Variants in EGF observed in about 807,000 individuals in gnomAD.
The protein encoded by EGF is pro-epidermal growth factor.
EGF carries 95 observed loss-of-function variants against 143.8 expected under a neutral mutation model. The observed-to-expected ratio is 0.66, with a 90% CI of 0.56 to 0.78. The LOEUF (loss-of-function observed/expected upper bound fraction) is 0.78, where lower values mean the gene tolerates loss of function less well. EGF is among the 30% of genes least tolerant of loss of function. EGF has a pLI of 0.00. For missense variants in EGF, 1,320 were observed against 1,470.9 expected (o/e 0.90, Z 1.68); for synonymous variants, 510 against 510.5 (o/e 1.00, Z 0.01).
chr4:109,969,132 C>T lies in EGF; in HGVS notation c.1724+13C>T, dbSNP rs371694431. On this transcript the variant is annotated intron_variant, in intron 11 of 23. Coordinates refer to ENST00000265171, the MANE Select transcript of EGF (RefSeq NM_001963.6). ...GGACAGACAGAGGGTATGTTTTCTG[C>T]TTCAGTTTTAAGCTGTGTGAGATGG... The T allele has an allele frequency of 5.6e-6, 9 of 1,613,932 alleles. No individual in the cohort carries two copies. In the Admixed American group the frequency reaches 6.7e-5, roughly 12 times the overall value.
At chr4:110,002,719 CT>C (rs2126182279) in intron 21 of EGF, among the ~76,000 whole-genome samples, 1 of 151,780 alleles carries the variant, frequency 6.6e-6, no homozygotes, top group Non-Finnish European at 1.5e-5. Context: ...CACAGGTAAA[CT>C]TGTGTCACTG....
intron 5 of EGF, among the ~76,000 whole-genome samples, chr4:109,949,266 G>A (rs1056541820): frequency 2.0e-5 from 3 of 151,616 alleles, no homozygotes; most frequent in East Asian, 1.9e-4. Context: ...AGGGTTTCCC[G>A]ATATTGGCCA....
intron 1 of EGF, among the ~76,000 whole-genome samples, chr4:109,914,127 A>G (rs1303374181): frequency 6.6e-6 from 1 of 152,132 alleles, no homozygotes; most frequent in Non-Finnish European, 1.5e-5. Flanking sequence ...TGCCAAGGGG[A>G]AATGGGAGCT....
chr4:109,979,292 T>G (rs1748964252), intron 13 of EGF, among the ~76,000 whole-genome samples: 1 of 151,866 alleles, frequency 6.6e-6, no homozygotes, highest in Non-Finnish European at 1.5e-5. Flanking sequence ...AGAGAGGTTA[T>G]AGTAGACAGA....
chr4:109,980,838 GCTTATATCAAAA>G lies in EGF; in HGVS notation c.2236_2247del (p.Leu746_Asn749del). ...TTTTCTCTACTAGGAGCAGATCCCT[GCTTATATCAAAA>G]CGGAGGCTGTGAACATATTTGCAAA... On this transcript the variant is annotated inframe_deletion, in exon 15 of 24. Coordinates refer to ENST00000265171, the MANE Select transcript of EGF (RefSeq NM_001963.6). 6.2e-7 allele frequency: 1 copy of G among 1,614,002 alleles called. No homozygotes were observed. The highest frequency in any genetic ancestry group is 1.1e-5 in the South Asian group (1 of 91,076).
intron 20 of EGF, among the ~76,000 whole-genome samples, chr4:109,998,157 A>T (rs1046167725): frequency 1.3e-5 from 2 of 152,324 alleles, no homozygotes; most frequent in South Asian, 4.1e-4. Context: ...AAGACCCCAG[A>T]CTTTCTGAAA....
At chr4:109,981,972 T>G (rs931124816) in intron 15 of EGF, among the ~76,000 whole-genome samples, 2 of 151,472 alleles carry the variant, frequency 1.3e-5, no homozygotes, top group African/African-American at 4.8e-5. Flanking sequence ...CCTCTGTTGC[T>G]CAGGCTGGAG....
rs2302135 is a variant in EGF at position 109,979,991 on chromosome 4, A to G, written c.2073A>G (p.Ala691=). 0.021 allele frequency: 33,571 copies of G among 1,613,934 alleles called. 2,677 individuals carry two copies. In the East Asian group the frequency reaches 0.24, roughly 11 times the overall value. ...QNDVGHPFAV[A]VFEDYVWFSD... is the part of the protein sequence containing the mutation. ...TTCCAGGTCACCCATTTGCTGTAGC[A>G]GTGTTTGAGGATTATGTGTGGTTCT... Residue 691 remains alanine, a synonymous_variant, in exon 14 of 24, where the codon GCA becomes GCG. Coordinates refer to ENST00000265171, the MANE Select transcript of EGF (RefSeq NM_001963.6).
At chr4:109,913,548 T>G (rs1736074263) in intron 1 of EGF, 86 bp downstream of exon 1, 1 of 1,560,194 alleles carries the variant, frequency 6.4e-7, no homozygotes, top group East Asian at 2.4e-5. Flanking sequence ...ACTTGGGCAT[T>G]TAACAAAGTT....
chr4:109,932,631 C>G (rs899526681), intron 1 of EGF, among the ~76,000 whole-genome samples: 6 of 151,808 alleles, frequency 4.0e-5, no homozygotes. Flanking sequence ...GCCTGCCTGC[C>G]TCGGCCTCCC....
intron 22 of EGF, among the ~76,000 whole-genome samples, chr4:110,006,977 G>A (rs553179227): frequency 6.6e-6 from 1 of 152,314 alleles, no homozygotes; most frequent in South Asian, 2.1e-4. Context: ...AGAGAGGCAC[G>A]AGGTTAGAAA....
chr4:109,994,764 T>C lies in EGF; in HGVS notation c.2889T>C (p.Asp963=), dbSNP rs1751530705. The change falls in exon 20 of 24, where the codon GAT becomes GAC. Residue 963 remains aspartate, a synonymous_variant. Transcript: ENST00000265171. ...DSTPPPHLRE[D]DHHYSVRNSD... is the part of the protein sequence containing the mutation. ...CTCCACCCCCTCACCTCAGGGAAGA[T>C]GACCACCACTATTCCGTAAGAAATA... 1 of 1,614,162 alleles carries C rather than the reference T, an allele frequency of 6.2e-7. No homozygotes were observed. The highest frequency in any genetic ancestry group is 8.5e-7 in the Non-Finnish European group (1 of 1,179,996).
chr4:109,997,370 T>G (rs1667314827), intron 20 of EGF, among the ~76,000 whole-genome samples: 1 of 152,214 alleles, frequency 6.6e-6, no homozygotes, highest in South Asian at 2.1e-4. Context: ...TGTCTAGCCC[T>G]CAATTCTTGA....
At chr4:110,004,171 T>A (rs932541727) in intron 21 of EGF, 1 of 378,556 alleles carries the variant, frequency 2.6e-6, no homozygotes, top group Admixed American at 3.7e-5. Context: ...TACCTGTGAA[T>A]GAATGAATGC....
intron 1 of EGF, among the ~76,000 whole-genome samples, chr4:109,921,048 T>G (rs1267747327): frequency 6.6e-6 from 1 of 151,610 alleles, no homozygotes; most frequent in Admixed American, 6.6e-5. Flanking sequence ...AAAATTTCAC[T>G]GAACAGAAGG....
At chr4:109,921,704 T>G (rs1439153574) in intron 1 of EGF, among the ~76,000 whole-genome samples, 1 of 151,522 alleles carries the variant, frequency 6.6e-6, no homozygotes, top group African/African-American at 2.5e-5. Context: ...AGGTGGTTGC[T>G]AGGATACAGA....
chr4:110,006,679 G>A (rs1193609882), intron 22 of EGF, among the ~76,000 whole-genome samples: 1 of 152,144 alleles, frequency 6.6e-6, no homozygotes, highest in Non-Finnish European at 1.5e-5. Flanking sequence ...CATCATCATG[G>A]GAATGAAGGA....
chr4:109,931,557 G>A (rs1235163674), intron 1 of EGF, among the ~76,000 whole-genome samples: 3 of 152,198 alleles, frequency 2.0e-5, no homozygotes, highest in African/African-American at 7.2e-5. Context: ...ACCTACTAGT[G>A]GTGGGACTTT....
intron 11 of EGF, among the ~76,000 whole-genome samples, chr4:109,970,533 T>C (rs1747395641): frequency 6.6e-6 from 1 of 152,162 alleles, no homozygotes; most frequent in South Asian, 2.1e-4. Flanking sequence ...TATCTCTTTT[T>C]ATCAGGATAA....
Sources: allele counts gnomAD v4.1 joint callset (sites outside exome capture counted in the v4.1 genomes callset), GRCh38; gene constraint gnomAD v4.1.1; transcripts MANE v1.5; gene names NCBI Gene and HGNC (gene_info 2026-07-23, HGNC 2026-07-21).